Variants in MGAT4A observed in about 807,000 individuals in gnomAD.
The protein encoded by MGAT4A is N-acetylglucosaminyltransferase IVa.
Under a neutral mutation model 74.1 loss-of-function variants are expected in MGAT4A, and 33 were observed. That is an observed-to-expected ratio of 0.45 (90% confidence interval 0.34 to 0.60). The LOEUF (loss-of-function observed/expected upper bound fraction) is 0.60. Ranked by LOEUF, MGAT4A falls within the 20% of genes least tolerant of loss-of-function variation. The probability of loss-of-function intolerance (pLI) is 0.02; values close to 1 mark genes in which losing one functional copy is unlikely to be tolerated. For synonymous variants in MGAT4A, 198 were observed against 210.4 expected, an observed-to-expected ratio of 0.94 and a Z score of 0.51; for missense variants, 479 against 628.3, an observed-to-expected ratio of 0.76 and a Z score of 2.54.
In MGAT4A at chr2:98,624,620, A is replaced by G. The variant is rs532800414; in HGVS notation, c.*946T>C. ...GACGTCATAAAATGAGTGCAGATATAAAAGAATCAACAGCAGATAATGCAC... is the reference window on the plus strand; with the variant it reads ...GACGTCATAAAATGAGTGCAGATATGAAAGAATCAACAGCAGATAATGCAC... On this transcript the variant is annotated 3_prime_UTR_variant, in exon 16 of 16. Transcript: ENST00000393487. 1 of 985,006 alleles carries G rather than the reference A, an allele frequency of 1.0e-6. No homozygotes were observed. The highest frequency in any genetic ancestry group is 1.1e-4 in the East Asian group (1 of 8,820). 61.0% of individuals were successfully genotyped at this position (985,006 alleles called of 1,614,324 possible). A position where few individuals can be genotyped will look rare whatever the true frequency, so the allele number is the denominator to read the frequency against.
At chr2:98,637,825 G>C (rs571069596) in intron 12 of MGAT4A, among the ~76,000 whole-genome samples, 1 of 152,246 alleles carries the variant, frequency 6.6e-6, no homozygotes, top group African/African-American at 2.4e-5. Flanking sequence ...AATCAGTTCA[G>C]GAGAACTGAC....
chr2:98,680,140 T>A (rs549431112), intron 2 of MGAT4A, among the ~76,000 whole-genome samples: 66 of 148,072 alleles, frequency 4.5e-4, no homozygotes, highest in African/African-American at 1.5e-3. Context: ...GCCCCCTGGA[T>A]TCAGACAATT....
At chr2:98,665,649 G>A (rs1344839113) in intron 4 of MGAT4A, among the ~76,000 whole-genome samples, 2 of 152,248 alleles carry the variant, frequency 1.3e-5, no homozygotes, top group African/African-American at 2.4e-5. Context: ...CTGCCCTCAT[G>A]GAACGCACAT....
chr2:98,691,455 A>G (rs1041838500), intron 2 of MGAT4A, among the ~76,000 whole-genome samples: 6 of 151,958 alleles, frequency 3.9e-5, no homozygotes, highest in African/African-American at 1.4e-4. Context: ...AAAAAAGATT[A>G]TAATAGAGCT....
intron 5 of MGAT4A, among the ~76,000 whole-genome samples, chr2:98,662,806 G>A (rs576784295): frequency 7.2e-5 from 11 of 152,252 alleles, no homozygotes; most frequent in East Asian, 1.9e-4. Flanking sequence ...ATAGGCACAC[G>A]TTCTTAAAGA....
chr2:98,641,545 G>A (rs1391140881), intron 10 of MGAT4A, among the ~76,000 whole-genome samples: 1 of 150,358 alleles, frequency 6.7e-6, no homozygotes, highest in African/African-American at 2.4e-5. Context: ...GGTGGCGGGC[G>A]CCTGCCTGTA....
intron 2 of MGAT4A, among the ~76,000 whole-genome samples, chr2:98,713,328 A>T (rs1031103061): frequency 1.3e-5 from 2 of 152,092 alleles, no homozygotes; most frequent in African/African-American, 4.8e-5. Flanking sequence ...AATGTTAATC[A>T]AATCAACTCT....
At position 98,619,973 on chromosome 2, in the gene MGAT4A, T is replaced by C. The variant is rs969245329; in HGVS notation, c.*5593A>G. The C allele has an allele frequency of 1.3e-5, 2 of 152,236 alleles. No individual in the cohort carries two copies. The highest frequency in any genetic ancestry group is 6.5e-5 in the Admixed American group (1 of 15,286). 9.4% of individuals were successfully genotyped at this position (152,236 alleles called of 1,614,324 possible). On this transcript the variant is annotated 3_prime_UTR_variant, in exon 16 of 16. Coordinates refer to ENST00000393487, the MANE Select transcript of MGAT4A (RefSeq NM_012214.3). ...TTCGCGCAAAGTGCTTTCCCATCAA[T>C]GCTCAGTTTACTTTCTTGAATGAGG...
At chr2:98,710,867 A>G (rs1702505924) in intron 2 of MGAT4A, among the ~76,000 whole-genome samples, 1 of 152,208 alleles carries the variant, frequency 6.6e-6, no homozygotes, top group South Asian at 2.1e-4. Context: ...ATCTGTGTGT[A>G]CAATAATGAA....
At chr2:98,725,381 A>G (rs375821083) in intron 2 of MGAT4A, among the ~76,000 whole-genome samples, 2 of 152,148 alleles carry the variant, frequency 1.3e-5, no homozygotes, top group African/African-American at 4.8e-5. Context: ...GTAAACACAC[A>G]TCAGAAAAAA....
intron 9 of MGAT4A, among the ~76,000 whole-genome samples, chr2:98,644,637 T>TC (rs1701458502): frequency 1.3e-5 from 2 of 151,600 alleles, no homozygotes. Context: ...TTAAACATAC[T>TC]CTTTTTTTTT....
At chr2:98,630,191 C>A (rs1002436751) in intron 14 of MGAT4A, among the ~76,000 whole-genome samples, 2 of 152,174 alleles carry the variant, frequency 1.3e-5, no homozygotes, top group African/African-American at 4.8e-5. Context: ...ACAGCAAAAA[C>A]ATGTACACAA....
At chr2:98,681,790 T>C (rs372396384) in intron 2 of MGAT4A, among the ~76,000 whole-genome samples, 2 of 152,132 alleles carry the variant, frequency 1.3e-5, no homozygotes, top group South Asian at 4.2e-4. Context: ...CCAACTCTAG[T>C]AAAAAAAGAG....
Position 98,675,087 on chromosome 2 carries a change from T to A in MGAT4A, c.351A>T (p.Lys117Asn), listed in dbSNP as rs1339271825. ...CAGCAGGTTGAAGACTTCCTTCATT[T>A]TTCAATAAATGAGGCAAATGATAAT... ...SIYYHLPHLL[K>N]NEGSLQPAVQ... The change falls in exon 4 of 16, where the codon AAA (lysine) becomes AAT (asparagine). Residue 117 changes from lysine (K) to asparagine (N), a missense_variant. Lys to Asn is a moderately conservative substitution (Grantham distance 94). Transcript: ENST00000393487. 6.2e-7 allele frequency: 1 copy of A among 1,612,016 alleles called. No homozygotes were observed. Among genetic ancestry groups the A allele is most frequent in the East Asian group, 2.2e-5 (1 of 44,864 alleles).
intron 10 of MGAT4A, among the ~76,000 whole-genome samples, chr2:98,640,806 C>T (rs1701395647): frequency 6.6e-6 from 1 of 152,148 alleles, no homozygotes; most frequent in Non-Finnish European, 1.5e-5. Flanking sequence ...TCCTTCAACA[C>T]ATGTCAACAA....
chr2:98,656,518 C>A, intron 6 of MGAT4A, 53 bp from the exon 7 acceptor site: 1 of 1,247,068 alleles, frequency 8.0e-7, no homozygotes, highest in South Asian at 1.3e-5. Context: ...TTTTATTTAT[C>A]TTAAAGCTCA....
chr2:98,621,537 A>C lies in MGAT4A; in HGVS notation c.*4029T>G. 1 of 1,551,258 alleles carries C rather than the reference A, an allele frequency of 6.4e-7. No homozygotes were observed. Among genetic ancestry groups the C allele is most frequent in the Non-Finnish European group, 8.7e-7 (1 of 1,146,810 alleles). ...AAGGAGTCACAAGATTTGATTAGCC[A>C]CCCCCAGACAGTCTTCCTTTTGCTA... On this transcript the variant is annotated 3_prime_UTR_variant, in exon 16 of 16. Coordinates refer to ENST00000393487, the MANE Select transcript of MGAT4A (RefSeq NM_012214.3).
At chr2:98,714,293 G>T (rs1017545982) in intron 2 of MGAT4A, among the ~76,000 whole-genome samples, 1 of 152,088 alleles carries the variant, frequency 6.6e-6, no homozygotes, top group African/African-American at 2.4e-5. Flanking sequence ...CACCATGTTG[G>T]CCAGGCTGGT....
intron 2 of MGAT4A, among the ~76,000 whole-genome samples, chr2:98,721,467 G>A (rs950535335): frequency 9.9e-5 from 15 of 152,084 alleles, no homozygotes; most frequent in Non-Finnish European, 1.5e-4. Context: ...GGTCTATAAC[G>A]TGTGGAAATA....
Sources: gnomAD v4.1 joint callset for allele counts (sites outside exome capture counted in the v4.1 genomes callset) on GRCh38, gnomAD v4.1.1 for gene constraint, MANE v1.5 for transcripts, NCBI Gene and HGNC (gene_info 2026-07-23, HGNC 2026-07-21) for gene names.